Variants in SLC35F3 observed in about 807,000 individuals in gnomAD.
SLC35F3 encodes the protein solute carrier family 35 member F3, also known as putative thiamine transporter SLC35F3.
Under a neutral mutation model 49.9 loss-of-function variants are expected in SLC35F3, and 25 were observed. That is an observed-to-expected ratio of 0.50 (90% confidence interval 0.37 to 0.70). The LOEUF (loss-of-function observed/expected upper bound fraction) is 0.70, where lower values mean the gene tolerates loss of function less well. Among genes scored for constraint, SLC35F3 ranks in the 30% least tolerant of loss-of-function variants. The probability of loss-of-function intolerance (pLI) is 0.00; values close to 1 mark genes in which losing one functional copy is unlikely to be tolerated. For missense variants in SLC35F3, 525 were observed against 639.8 expected, an observed-to-expected ratio of 0.82 and a Z score of 1.94; for synonymous variants, 275 against 265.4, an observed-to-expected ratio of 1.04 and a Z score of -0.35.
chr1:234,283,030 A>T (rs1320490042), intron 3 of SLC35F3, among the ~76,000 whole-genome samples: 1 of 152,244 alleles, frequency 6.6e-6, no homozygotes, highest in Non-Finnish European at 1.5e-5. Flanking sequence ...AAAAGAAATA[A>T]AGAAAAATGC....
Position 234,047,902 on chromosome 1 carries a change from C to T in SLC35F3, c.283+142144C>T, listed in dbSNP as rs1580208. Among the ~76,000 whole-genome samples the T allele has an allele frequency of 4.9e-3, 741 of 152,186 alleles. 6 individuals are homozygous for T. The highest frequency in any genetic ancestry group is 0.017 in the African/African-American group (720 of 41,492). Reference sequence around the variant, plus strand: ...AAGAAGAGAATTGAAGAGAAAGCCTCCATCTTCTTAGAAAATAAGTGAATA... The same window carrying T: ...AAGAAGAGAATTGAAGAGAAAGCCTTCATCTTCTTAGAAAATAAGTGAATA... On this transcript the variant is annotated intron_variant, in intron 2 of 7. Coordinates refer to ENST00000366618, the MANE Select transcript of SLC35F3 (RefSeq NM_173508.4).
chr1:234,248,263 A>G (rs1259020017), intron 3 of SLC35F3, among the ~76,000 whole-genome samples: 51 of 41,828 alleles, frequency 1.2e-3, no homozygotes, highest in Middle Eastern at 0.02. Flanking sequence ...CCATTGTTTG[A>G]TGGGTCAGTT....
intron 2 of SLC35F3, among the ~76,000 whole-genome samples, chr1:233,962,684 A>C (rs1662824053): frequency 6.6e-6 from 1 of 152,182 alleles, no homozygotes; most frequent in Non-Finnish European, 1.5e-5. Flanking sequence ...CAGGTGACAC[A>C]CTTCTTAATT....
chr1:234,044,029 G>T (rs1054098126), intron 2 of SLC35F3, among the ~76,000 whole-genome samples: 1 of 152,118 alleles, frequency 6.6e-6, no homozygotes, highest in African/African-American at 2.4e-5. Context: ...ACCAGGTAGG[G>T]CCTAATGGGA....
intron 2 of SLC35F3, among the ~76,000 whole-genome samples, chr1:234,186,105 G>T (rs1291953064): frequency 6.6e-6 from 1 of 152,330 alleles, no homozygotes; most frequent in East Asian, 1.9e-4. Flanking sequence ...ATACTCAGCT[G>T]CAGCGAATGT....
intron 3 of SLC35F3, among the ~76,000 whole-genome samples, chr1:234,240,537 A>T (rs1016143655): frequency 6.6e-6 from 1 of 152,066 alleles, no homozygotes; most frequent in African/African-American, 2.4e-5. Flanking sequence ...TCCAGGAGGC[A>T]GAGGTTGCAG....
At chr1:234,070,653 G>A (rs1246875920) in intron 2 of SLC35F3, among the ~76,000 whole-genome samples, 1 of 151,950 alleles carries the variant, frequency 6.6e-6, no homozygotes, top group Non-Finnish European at 1.5e-5. Context: ...GTGTATTATT[G>A]TTTTTTAATC....
chr1:233,937,081 C>G (rs138237357), intron 2 of SLC35F3, among the ~76,000 whole-genome samples: 1 of 152,116 alleles, frequency 6.6e-6, no homozygotes, highest in African/African-American at 2.4e-5. Context: ...CCATCTACCC[C>G]CATGAATCTA....
At chr1:233,927,001 G>A (rs975306080) in intron 2 of SLC35F3, among the ~76,000 whole-genome samples, 12 of 152,166 alleles carry the variant, frequency 7.9e-5, no homozygotes, top group African/African-American at 2.9e-4. Context: ...AACGGCAAAT[G>A]TTGCTGGTAG....
chr1:234,262,319 G>A (rs1326340206), intron 3 of SLC35F3, among the ~76,000 whole-genome samples: 1 of 152,258 alleles, frequency 6.6e-6, no homozygotes, highest in East Asian at 1.9e-4. Context: ...CTTCTTGTGA[G>A]CCTCTGTTTT....
intron 3 of SLC35F3, among the ~76,000 whole-genome samples, chr1:234,253,358 A>C (rs1667767547): frequency 6.6e-6 from 1 of 151,890 alleles, no homozygotes; most frequent in South Asian, 2.1e-4. Context: ...TAAAAAAAAA[A>C]CAGAATGCTG....
At chr1:234,103,551 A>G (rs1182344066) in intron 2 of SLC35F3, among the ~76,000 whole-genome samples, 2 of 152,174 alleles carry the variant, frequency 1.3e-5, no homozygotes, top group African/African-American at 4.8e-5. Context: ...GGGACATCCA[A>G]TGCCACTATA....
In SLC35F3 at chr1:234,143,288, C is replaced by CTTTTT. The variant is rs1352256091; in HGVS notation, c.284-88116_284-88112dup. On this transcript the variant is annotated intron_variant, in intron 2 of 7. Coordinates refer to ENST00000366618, the MANE Select transcript of SLC35F3 (RefSeq NM_173508.4). ...GAGTTTGACTCTTTTCTTTTCTTTT[C>CTTTTT]TTTTTTTTTTTTTTTTTGAGATAAA... is the stretch of plus-strand genomic sequence containing the variant. Among the ~76,000 whole-genome samples the CTTTTT allele has an allele frequency of 7.5e-4, 93 of 123,504 alleles. 2 individuals carry two copies. Among genetic ancestry groups the CTTTTT allele is most frequent in the African/African-American group, 2.4e-3 (69 of 28,196 alleles). The allele number at this position is 123,504 out of a possible 152,430, so 81.0% of individuals were successfully genotyped here. A position where few individuals can be genotyped will look rare whatever the true frequency, so the allele number is the denominator to read the frequency against.
chr1:234,125,147 G>A (rs1665628516), intron 2 of SLC35F3, among the ~76,000 whole-genome samples: 3 of 152,092 alleles, frequency 2.0e-5, no homozygotes, highest in South Asian at 2.1e-4. Context: ...AGGACACAGT[G>A]TCAAGTGATG....
intron 2 of SLC35F3, among the ~76,000 whole-genome samples, chr1:234,067,202 C>G (rs1276382918): frequency 6.6e-6 from 1 of 151,940 alleles, no homozygotes; most frequent in Non-Finnish European, 1.5e-5. Context: ...TGATTTGAGG[C>G]TTTTTGAGAT....
At chr1:234,312,344 C>A (rs1208633628) in intron 4 of SLC35F3, among the ~76,000 whole-genome samples, 4 of 152,164 alleles carry the variant, frequency 2.6e-5, no homozygotes, top group African/African-American at 9.7e-5. Context: ...TCCATGGGGT[C>A]CTCAAACCCC....
intron 3 of SLC35F3, among the ~76,000 whole-genome samples, chr1:234,273,393 A>G (rs1283019457): frequency 6.6e-6 from 1 of 152,168 alleles, no homozygotes; most frequent in Non-Finnish European, 1.5e-5. Context: ...AAGCCCAGGC[A>G]ACCCCCCTCC....
At chr1:233,974,468 A>G (rs527525002) in intron 2 of SLC35F3, among the ~76,000 whole-genome samples, 2 of 152,238 alleles carry the variant, frequency 1.3e-5, no homozygotes, top group African/African-American at 4.8e-5. Context: ...GGTGTGAGCC[A>G]CCGTGCCCGG....
In SLC35F3 at chr1:233,909,153, A is replaced by T. The variant is rs922093413; in HGVS notation, c.283+3395A>T. Among the ~76,000 whole-genome samples the T allele has an allele frequency of 2.0e-5, 3 of 152,152 alleles. 1 individual carries two copies. In the South Asian group the frequency reaches 6.2e-4, roughly 32 times the overall value. On this transcript the variant is annotated intron_variant, in intron 2 of 7. Transcript: ENST00000366618. ...ATTACAGGCATGAGCCACCGCACCCAGCCTAGGATTCTTTTTTAAAAATCC... is the reference window on the plus strand; with the variant it reads ...ATTACAGGCATGAGCCACCGCACCCTGCCTAGGATTCTTTTTTAAAAATCC...
Sources: allele counts gnomAD v4.1 joint callset (sites outside exome capture counted in the v4.1 genomes callset), GRCh38; gene constraint gnomAD v4.1.1; transcripts MANE v1.5; gene names NCBI Gene and HGNC (gene_info 2026-07-23, HGNC 2026-07-21).